VAT1L: variants seen among roughly 807,000 people sequenced by gnomAD.
The protein encoded by VAT1L is putative NADPH-dependent quinone oxidoreductase VAT1L.
VAT1L carries 34 observed loss-of-function variants against 44.1 expected under a neutral mutation model. That is an observed-to-expected ratio of 0.77 (90% CI 0.59 to 1.03). The LOEUF is 1.03. VAT1L is among the 50% of genes least tolerant of loss of function. The pLI is 0.00. For synonymous variants in VAT1L, 253 were observed against 202.2 expected, an observed-to-expected ratio of 1.25 and a Z score of -2.13; for missense variants, 615 against 538.8, an observed-to-expected ratio of 1.14 and a Z score of -1.40.
intron 7 of VAT1L, among the ~76,000 whole-genome samples, chr16:77,926,126 G>A (rs150001153): frequency 0.038 from 5,741 of 151,698 alleles, 160 homozygotes; most frequent in Non-Finnish European, 0.057. Flanking sequence ...GGTGGCGGGC[G>A]CCTGTAGTCC....
chr16:77,948,886 G>A (rs896304343), intron 7 of VAT1L, among the ~76,000 whole-genome samples: 5 of 152,140 alleles, frequency 3.3e-5, no homozygotes, highest in Non-Finnish European at 5.9e-5. Flanking sequence ...GGAGTGAAGG[G>A]ACTATTCCAT....
chr16:77,828,399 C>G (rs1232029400), intron 3 of VAT1L, among the ~76,000 whole-genome samples: 2 of 152,092 alleles, frequency 1.3e-5, no homozygotes, highest in African/African-American at 4.8e-5. Flanking sequence ...CGCGGTGGCT[C>G]ACGCCTGTAA....
At chr16:77,957,279 G>T (rs1259859758) in intron 7 of VAT1L, among the ~76,000 whole-genome samples, 1 of 152,102 alleles carries the variant, frequency 6.6e-6, no homozygotes, top group South Asian at 2.1e-4. Context: ...GAATGACATA[G>T]CTACCAATCT....
rs537170331 is a variant in VAT1L at position 77,910,469 on chromosome 16, G to A, written c.1077+25667G>A. ...GGGCGAATCACAAGGTCAGGAGATC[G>A]AGACCATCCTGGCTAACACGGTGAA... On this transcript the variant is annotated intron_variant, in intron 7 of 8. Coordinates refer to ENST00000302536, the MANE Select transcript of VAT1L (RefSeq NM_020927.3). Among the ~76,000 whole-genome samples, 21 of 152,026 alleles carry A rather than the reference G, an allele frequency of 1.4e-4. No homozygotes were observed. The South Asian group carries it at 1.7e-3, about 12-fold the overall frequency.
intron 7 of VAT1L, among the ~76,000 whole-genome samples, chr16:77,943,457 C>G (rs1165775424): frequency 7.1e-6 from 1 of 140,430 alleles, no homozygotes; most frequent in Non-Finnish European, 1.5e-5. Context: ...TGGAGTGCAG[C>G]GGCACCATCA....
At chr16:77,798,041 G>T (rs1006667311) in intron 1 of VAT1L, among the ~76,000 whole-genome samples, 1 of 152,148 alleles carries the variant, frequency 6.6e-6, no homozygotes, top group South Asian at 2.1e-4. Context: ...GTCAGCATCT[G>T]TCCTCAGTCT....
intron 7 of VAT1L, among the ~76,000 whole-genome samples, chr16:77,946,279 C>CTTTTTCTTTTTTTTTT (rs2017963665): frequency 1.4e-5 from 1 of 70,428 alleles, no homozygotes; most frequent in Non-Finnish European, 2.5e-5. Context: ...GTTACTTGTT[C>CTTTTTCTTTTTTTTTT]TTTTTTTTTT....
rs988406958 is a variant in VAT1L at position 77,978,472 on chromosome 16, A to T, written c.*777A>T. The T allele has an allele frequency of 6.6e-6, 1 of 152,254 alleles. No homozygotes were observed. The highest frequency in any genetic ancestry group is 1.5e-5 in the Non-Finnish European group (1 of 68,048). 9.4% of individuals were successfully genotyped at this position (152,254 alleles called of 1,614,324 possible). On this transcript the variant is annotated 3_prime_UTR_variant, in exon 9 of 9. Transcript: ENST00000302536. ...TGTTTCAATTTTAAGAAAGCACCACATACAAGACACATTCAGAAGTCATTC... is the reference window on the plus strand; with the variant it reads ...TGTTTCAATTTTAAGAAAGCACCACTTACAAGACACATTCAGAAGTCATTC...
chr16:77,973,385 A>C lies in VAT1L; in HGVS notation c.1161+1452A>C, dbSNP rs145482457. On this transcript the variant is annotated intron_variant, in intron 8 of 8. Coordinates refer to ENST00000302536, the MANE Select transcript of VAT1L (RefSeq NM_020927.3). ...CTGCAACCTCCGCCTCCCGGGTTCA[A>C]GCGATTCTCCTGCCTCAGCCTCCTG... Among the ~76,000 whole-genome samples the C allele has an allele frequency of 1.6e-3, 240 of 151,080 alleles. 1 individual carries two copies. The highest frequency in any genetic ancestry group is 9.7e-3 in the South Asian group (46 of 4,750).
intron 3 of VAT1L, 150 bp from the exon 4 acceptor site, chr16:77,862,598 G>C: frequency 5.2e-6 from 4 of 774,182 alleles, no homozygotes; most frequent in Non-Finnish European, 7.7e-6. Context: ...ACTCCAGCCT[G>C]AGTGACAGAG....
chr16:77,808,848 C>T lies in VAT1L; in HGVS notation c.234-8073C>T, dbSNP rs551340360. Among the ~76,000 whole-genome samples the T allele has an allele frequency of 3.5e-3, 533 of 152,278 alleles. 4 individuals are homozygous for T. The highest frequency in any genetic ancestry group is 0.013 in the African/African-American group (524 of 41,548). On this transcript the variant is annotated intron_variant, in intron 1 of 8. Coordinates refer to ENST00000302536, the MANE Select transcript of VAT1L (RefSeq NM_020927.3). ...CCGACCTCAGGTGATCCACCTGCCT[C>T]AGCCTCCCAAAGTGCTGCGATTATA... is the stretch of plus-strand genomic sequence containing the variant.
chr16:77,933,307 C>A (rs1287083407), intron 7 of VAT1L, among the ~76,000 whole-genome samples: 1 of 152,134 alleles, frequency 6.6e-6, no homozygotes, highest in Non-Finnish European at 1.5e-5. Context: ...AGTGACAAAG[C>A]CAGACTCAAA....
chr16:77,816,051 T>C (rs1019431652), intron 1 of VAT1L, among the ~76,000 whole-genome samples: 1 of 149,048 alleles, frequency 6.7e-6, no homozygotes, highest in African/African-American at 2.5e-5. Context: ...TTTCCCCATG[T>C]GATTAGCAAA....
intron 7 of VAT1L, chr16:77,892,945 C>T (rs1048570415): frequency 1.9e-5 from 16 of 838,836 alleles, no homozygotes; most frequent in Non-Finnish European, 3.2e-5. Context: ...ATCTTAACCT[C>T]CAGACCATTC....
At chr16:77,890,878 C>T (rs60929419) in intron 7 of VAT1L, among the ~76,000 whole-genome samples, 2,283 of 147,944 alleles carry the variant, frequency 0.015, 45 homozygotes, top group African/African-American at 0.054. Context: ...GAGCTGAGAT[C>T]GTACCACTGC....
At chr16:77,880,776 G>A (rs993568678) in intron 6 of VAT1L, among the ~76,000 whole-genome samples, 1 of 151,650 alleles carries the variant, frequency 6.6e-6, no homozygotes, top group Admixed American at 6.6e-5. Flanking sequence ...CCCTTTAGTG[G>A]TCTGCAGTGT....
In VAT1L at chr16:77,977,691, A is replaced by C. The variant is rs1214048896; in HGVS notation, c.1256A>C (p.Gln419Pro). The change falls in exon 9 of 9, where the codon CAG (glutamine) becomes CCG (proline). Residue 419 changes from glutamine (Q) to proline (P), a missense_variant. Gln to Pro is a moderately conservative substitution (Grantham distance 76, BLOSUM62 -1). Coordinates refer to ENST00000302536, the MANE Select transcript of VAT1L (RefSeq NM_020927.3). Reference sequence around the variant, plus strand: ...AACAAGGAGCGGATGCCCTTTATCCAGTAACTGAGGACCCAGGTGGGAGAA... The same window carrying C: ...AACAAGGAGCGGATGCCCTTTATCCCGTAACTGAGGACCCAGGTGGGAGAA... ...SENKERMPFI[Q>P] 2 of 1,613,804 alleles carry C rather than the reference A, an allele frequency of 1.2e-6. No homozygotes were observed. The highest frequency in any genetic ancestry group is 1.7e-6 in the Non-Finnish European group (2 of 1,179,872).
chr16:77,976,404 G>A (rs1224115399), intron 8 of VAT1L, among the ~76,000 whole-genome samples: 1 of 152,208 alleles, frequency 6.6e-6, no homozygotes, highest in Non-Finnish European at 1.5e-5. Flanking sequence ...ACTGGGCAGA[G>A]GGGGTAGAGG....
chr16:77,798,747 CAAG>C (rs1411400025), intron 1 of VAT1L, among the ~76,000 whole-genome samples: 1 of 152,108 alleles, frequency 6.6e-6, no homozygotes, highest in Non-Finnish European at 1.5e-5. Flanking sequence ...ATGACATATA[CAAG>C]AAGATCAAGA....
Sources: gnomAD v4.1 joint callset for allele counts (sites outside exome capture counted in the v4.1 genomes callset) on GRCh38, gnomAD v4.1.1 for gene constraint, MANE v1.5 for transcripts, NCBI Gene and HGNC (gene_info 2026-07-23, HGNC 2026-07-21) for gene names.